Variants in RPH3A observed in about 807,000 individuals in gnomAD.
RPH3A encodes the protein rabphilin-3A.
Under a neutral mutation model 102.2 loss-of-function variants are expected in RPH3A, and 48 were observed. The ratio of observed to expected loss-of-function variants is 0.47; its 90% CI spans 0.37 to 0.60. RPH3A has a LOEUF of 0.60. Ranked by LOEUF, RPH3A falls within the 20% of genes least tolerant of loss-of-function variation. The pLI, the probability that RPH3A is intolerant of heterozygous loss-of-function variation, is 0.00. For missense variants in RPH3A, 781 were observed against 910.1 expected (o/e 0.86, Z 1.83); for synonymous variants, 310 against 324.3 (o/e 0.96, Z 0.47).
intron 2 of RPH3A, among the ~76,000 whole-genome samples, chr12:112,812,511 G>A (rs1683933448): frequency 6.6e-6 from 1 of 152,224 alleles, no homozygotes; most frequent in South Asian, 2.1e-4. Flanking sequence ...CTTACAGGGA[G>A]AAACCAGCAT....
intron 1 of RPH3A, among the ~76,000 whole-genome samples, chr12:112,766,406 C>T (rs1439255405): frequency 1.3e-5 from 2 of 152,192 alleles, no homozygotes; most frequent in Non-Finnish European, 2.9e-5. Flanking sequence ...CTCCAGCTCA[C>T]CTCAACCCCT....
chr12:112,631,983 G>A (rs2135986406), intron 1 of RPH3A, among the ~76,000 whole-genome samples: 1 of 152,292 alleles, frequency 6.6e-6, no homozygotes, highest in South Asian at 2.1e-4. Context: ...ATCTTGAATT[G>A]TAACTCCCAC....
intron 1 of RPH3A, among the ~76,000 whole-genome samples, chr12:112,678,879 C>T (rs141652283): frequency 0.011 from 1,706 of 152,258 alleles, 29 homozygotes; most frequent in African/African-American, 0.039. Context: ...AGATAGAGCC[C>T]TGGAGCCTGT....
intron 13 of RPH3A, among the ~76,000 whole-genome samples, chr12:112,877,403 TACACACACACACGTATAC>T (rs1343004241): frequency 1.4e-5 from 2 of 140,728 alleles, no homozygotes; most frequent in Admixed American, 1.6e-4. Flanking sequence ...CACACACGTA[TACACACACACACGTATAC>T]ACACACACAC....
rs1263391475 is a variant in RPH3A at position 112,883,292 on chromosome 12, G to C, written c.1327-1G>C. ...CTCTGTCCATCTCTCTCGGGCTCTA[G>C]TCCAACAAGCTTCGTACAAAAACTC... is the stretch of plus-strand genomic sequence containing the variant. On this transcript the variant is annotated splice_acceptor_variant, in intron 15 of 21. Transcript: ENST00000389385. LOFTEE classifies it high-confidence loss of function. 1 of 1,613,520 alleles carries C rather than the reference G, an allele frequency of 6.2e-7. No individual in the cohort carries two copies. The highest frequency in any genetic ancestry group is 1.7e-5 in the Admixed American group (1 of 59,996).
chr12:112,845,535 A>T (rs2042215706), intron 4 of RPH3A, among the ~76,000 whole-genome samples: 1 of 152,212 alleles, frequency 6.6e-6, no homozygotes, highest in African/African-American at 2.4e-5. Flanking sequence ...CATCTTCACC[A>T]GGATCACAAT....
At chr12:112,663,582 C>T (rs2040065009) in intron 1 of RPH3A, among the ~76,000 whole-genome samples, 1 of 152,068 alleles carries the variant, frequency 6.6e-6, no homozygotes, top group Non-Finnish European at 1.5e-5. Context: ...ATCTTGAACT[C>T]CTGGGCTCAA....
In RPH3A at chr12:112,887,966, T is replaced by C. The variant is rs202201027; in HGVS notation, c.1563+43T>C. The C allele has an allele frequency of 5.2e-5, 84 of 1,603,206 alleles. 3 individuals carry two copies. The highest frequency in any genetic ancestry group is 2.5e-4 in the East Asian group (11 of 44,528). ...GAGGATCTGATGGGAGGAGGGGAGATTGGGGGAGCTGCCTTCCTCTGGGTC... is the reference window on the plus strand; with the variant it reads ...GAGGATCTGATGGGAGGAGGGGAGACTGGGGGAGCTGCCTTCCTCTGGGTC... On this transcript the variant is annotated intron_variant, in intron 17 of 21. Coordinates refer to ENST00000389385, the MANE Select transcript of RPH3A (RefSeq NM_001143854.2).
chr12:112,832,699 T>C (rs1011043468), intron 3 of RPH3A, among the ~76,000 whole-genome samples: 1 of 152,074 alleles, frequency 6.6e-6, no homozygotes, highest in Non-Finnish European at 1.5e-5. Flanking sequence ...AAAAATTAGC[T>C]GGATGTTGTG....
chr12:112,634,957 TC>T (rs968944192), intron 1 of RPH3A, among the ~76,000 whole-genome samples: 8 of 152,254 alleles, frequency 5.3e-5, no homozygotes, highest in African/African-American at 1.9e-4. Context: ...TTTTTCCTCT[TC>T]CTTTCTGCAA....
chr12:112,827,052 A>AT (rs1412374423), intron 2 of RPH3A, among the ~76,000 whole-genome samples: 3 of 152,044 alleles, frequency 2.0e-5, no homozygotes, highest in African/African-American at 4.8e-5. Context: ...TGGTGACACC[A>AT]TTTTTTTCAG....
chr12:112,757,129 T>C (rs1179065150), intron 1 of RPH3A, among the ~76,000 whole-genome samples: 4 of 152,202 alleles, frequency 2.6e-5, no homozygotes, highest in African/African-American at 9.6e-5. Context: ...AATAGACAAA[T>C]GAATGAAATA....
intron 1 of RPH3A, among the ~76,000 whole-genome samples, chr12:112,708,765 C>A (rs146886728): frequency 3.5e-4 from 53 of 152,044 alleles, no homozygotes; most frequent in Non-Finnish European, 6.6e-4. Flanking sequence ...ATCGGAGCCT[C>A]CTGCGAAAAT....
At chr12:112,700,332 G>A (rs569433749) in intron 1 of RPH3A, among the ~76,000 whole-genome samples, 31 of 152,238 alleles carry the variant, frequency 2.0e-4, no homozygotes, top group African/African-American at 7.2e-4. Flanking sequence ...GCTTCCCCAA[G>A]TGAATTCTTA....
At chr12:112,766,461 TATTG>T (rs771555137) in intron 1 of RPH3A, among the ~76,000 whole-genome samples, 2 of 151,986 alleles carry the variant, frequency 1.3e-5, no homozygotes, top group Non-Finnish European at 2.9e-5. Context: ...ACGTGAAAAT[TATTG>T]ATTAAGGAGT....
intron 1 of RPH3A, among the ~76,000 whole-genome samples, chr12:112,681,307 G>T (rs1425407677): frequency 1.3e-5 from 2 of 152,160 alleles, no homozygotes; most frequent in Non-Finnish European, 2.9e-5. Context: ...CTGCATCTCT[G>T]CTTCAGATGT....
chr12:112,759,331 A>G (rs2040839729), intron 1 of RPH3A, among the ~76,000 whole-genome samples: 1 of 152,200 alleles, frequency 6.6e-6, no homozygotes, highest in Non-Finnish European at 1.5e-5. Flanking sequence ...TCATTGTCCC[A>G]CACCTTGCTT....
chr12:112,851,747 G>A (rs187728939), intron 5 of RPH3A, among the ~76,000 whole-genome samples: 1 of 152,280 alleles, frequency 6.6e-6, no homozygotes, highest in East Asian at 1.9e-4. Context: ...CTTCCCAGGA[G>A]GGAGAGAGGA....
chr12:112,802,317 G>A (rs1332292541), intron 2 of RPH3A, among the ~76,000 whole-genome samples: 2 of 152,212 alleles, frequency 1.3e-5, no homozygotes, highest in African/African-American at 4.8e-5. Flanking sequence ...CCTACTGCCT[G>A]TGTGACCTTT....
Sources: gnomAD v4.1 joint callset for allele counts (sites outside exome capture counted in the v4.1 genomes callset) on GRCh38, gnomAD v4.1.1 for gene constraint, MANE v1.5 for transcripts, NCBI Gene and HGNC (gene_info 2026-07-23, HGNC 2026-07-21) for gene names.